MACROD2: variants seen among roughly 807,000 people sequenced by gnomAD.
MACROD2 encodes mono-ADP ribosylhydrolase 2, also known as ADP-ribose glycohydrolase MACROD2.
MACROD2 carries 36 observed loss-of-function variants against 70.4 expected under a neutral mutation model. That is an observed-to-expected ratio of 0.51 (90% CI 0.39 to 0.68). MACROD2 has a LOEUF of 0.68. MACROD2 is among the 30% of genes least tolerant of loss of function. MACROD2 has a pLI of 0.00. For synonymous variants in MACROD2, 172 were observed against 178.8 expected, an observed-to-expected ratio of 0.96 and a Z score of 0.30; for missense variants, 496 against 538.4, an observed-to-expected ratio of 0.92 and a Z score of 0.78.
chr20:14,352,112 GT>G (rs1308225073), intron 3 of MACROD2, among the ~76,000 whole-genome samples: 1 of 152,120 alleles, frequency 6.6e-6, no homozygotes, highest in East Asian at 1.9e-4. Context: ...TCAATAAGTT[GT>G]TTAATGCAAT....
At chr20:14,814,731 T>C (rs1241163029) in intron 5 of MACROD2, among the ~76,000 whole-genome samples, 1 of 151,938 alleles carries the variant, frequency 6.6e-6, no homozygotes, top group Non-Finnish European at 1.5e-5. Flanking sequence ...ATGACAAAGT[T>C]ATTGTCATCC....
At chr20:15,808,505 A>G (rs2063789615) in intron 8 of MACROD2, among the ~76,000 whole-genome samples, 1 of 152,148 alleles carries the variant, frequency 6.6e-6, no homozygotes, top group African/African-American at 2.4e-5. Context: ...GAAGGTATTT[A>G]TTTTCTTATA....
At chr20:15,446,932 T>A (rs938414579) in intron 7 of MACROD2, among the ~76,000 whole-genome samples, 1 of 152,110 alleles carries the variant, frequency 6.6e-6, no homozygotes, top group Non-Finnish European at 1.5e-5. Flanking sequence ...GTGGCCAGGA[T>A]AAAACAGTGA....
intron 8 of MACROD2, among the ~76,000 whole-genome samples, chr20:15,610,040 C>T (rs2048945420): frequency 6.6e-6 from 1 of 152,190 alleles, no homozygotes; most frequent in Admixed American, 6.5e-5. Context: ...TTTGCTAGCA[C>T]TCCTGGAAAT....
chr20:15,653,573 C>T (rs528015176), intron 8 of MACROD2, among the ~76,000 whole-genome samples: 2 of 152,262 alleles, frequency 1.3e-5, no homozygotes, highest in African/African-American at 4.8e-5. Context: ...CTCCGTAAGT[C>T]AGTCTAAACT....
At chr20:14,205,496 TGCAAATTCCTGGTG>T (rs1188990985) in intron 3 of MACROD2, among the ~76,000 whole-genome samples, 1 of 152,186 alleles carries the variant, frequency 6.6e-6, no homozygotes, top group Non-Finnish European at 1.5e-5. Flanking sequence ...TTGTATAAGG[TGCAAATTCCTGGTG>T]GCTCCACCCC....
intron 3 of MACROD2, among the ~76,000 whole-genome samples, chr20:14,244,610 T>C (rs1453152959): frequency 6.6e-6 from 1 of 152,228 alleles, no homozygotes. Context: ...ATGTCCTTTT[T>C]CTGGCCTCCT....
At chr20:14,771,596 C>T (rs1437802849) in intron 5 of MACROD2, among the ~76,000 whole-genome samples, 2 of 150,704 alleles carry the variant, frequency 1.3e-5, no homozygotes, top group African/African-American at 2.4e-5. Context: ...CATTTTTGTG[C>T]CACTGGTTAA....
chr20:15,977,901 G>A (rs953541208), intron 13 of MACROD2, among the ~76,000 whole-genome samples: 2 of 152,206 alleles, frequency 1.3e-5, no homozygotes, highest in Non-Finnish European at 2.9e-5. Flanking sequence ...TAGTCAGGTA[G>A]AGCTGGTTAT....
At chr20:14,857,393 C>G (rs2073266521) in intron 5 of MACROD2, among the ~76,000 whole-genome samples, 1 of 152,180 alleles carries the variant, frequency 6.6e-6, no homozygotes, top group Non-Finnish European at 1.5e-5. Context: ...TGGAATTGTT[C>G]TCATGTATGC....
intron 2 of MACROD2, among the ~76,000 whole-genome samples, chr20:14,072,709 C>T (rs894244939): frequency 2.0e-5 from 3 of 151,974 alleles, no homozygotes; most frequent in African/African-American, 7.3e-5. Flanking sequence ...CTGAGGTGGG[C>T]GGATCACGAG....
At chr20:14,989,391 A>G (rs867995819) in intron 5 of MACROD2, among the ~76,000 whole-genome samples, 3 of 152,304 alleles carry the variant, frequency 2.0e-5, no homozygotes, top group South Asian at 4.1e-4. Context: ...CACCGTCCTG[A>G]GAATGAATTC....
intron 5 of MACROD2, among the ~76,000 whole-genome samples, chr20:14,699,163 T>C (rs1024911611): frequency 1.3e-5 from 2 of 152,134 alleles, no homozygotes; most frequent in African/African-American, 4.8e-5. Flanking sequence ...GAATTGATAG[T>C]GAGGTCCTTT....
chr20:14,960,984 G>T (rs963221749), intron 5 of MACROD2, among the ~76,000 whole-genome samples: 29 of 152,130 alleles, frequency 1.9e-4, no homozygotes, highest in Non-Finnish European at 1.6e-4. Context: ...TGCTAAAACT[G>T]CTGAGTTTCA....
At chr20:14,170,479 G>T (rs1403363947) in intron 3 of MACROD2, among the ~76,000 whole-genome samples, 1 of 151,850 alleles carries the variant, frequency 6.6e-6, no homozygotes, top group East Asian at 1.9e-4. Flanking sequence ...TTGGCTGTGG[G>T]TTTGTCATAG....
At chr20:15,369,666 G>A (rs143532562) in intron 6 of MACROD2, among the ~76,000 whole-genome samples, 36 of 152,222 alleles carry the variant, frequency 2.4e-4, no homozygotes, top group African/African-American at 8.4e-4. Context: ...AGTGTCTAAC[G>A]TGGAAAGTGC....
chr20:15,531,380 C>G (rs1254990688), intron 8 of MACROD2, among the ~76,000 whole-genome samples: 3 of 151,664 alleles, frequency 2.0e-5, no homozygotes, highest in Non-Finnish European at 4.4e-5. Context: ...ATTTTTTCTT[C>G]TCCTCCAGCT....
chr20:14,864,740 G>A (rs2073409628), intron 5 of MACROD2, among the ~76,000 whole-genome samples: 1 of 151,980 alleles, frequency 6.6e-6, no homozygotes, highest in East Asian at 1.9e-4. Context: ...TGGCTCTGAA[G>A]GTTACCTTTT....
chr20:16,016,438 T>C (rs1396815103), intron 15 of MACROD2, among the ~76,000 whole-genome samples: 2 of 152,218 alleles, frequency 1.3e-5, no homozygotes, highest in Non-Finnish European at 2.9e-5. Context: ...TTTTTGGCTA[T>C]TGCCAAAAAG....
Sources: allele counts gnomAD v4.1 joint callset (sites outside exome capture counted in the v4.1 genomes callset), GRCh38; gene constraint gnomAD v4.1.1; transcripts MANE v1.5; gene names NCBI Gene and HGNC (gene_info 2026-07-23, HGNC 2026-07-21).